TLK1: variants seen among roughly 807,000 people sequenced by gnomAD.
The protein encoded by TLK1 is tousled like kinase 1, also known as serine/threonine-protein kinase tousled-like 1.
Under a neutral mutation model 105.3 loss-of-function variants are expected in TLK1, and 24 were observed. That is an observed-to-expected ratio of 0.23 (90% CI 0.17 to 0.32). TLK1 has a LOEUF of 0.32. TLK1 is among the 10% of genes least tolerant of loss of function. TLK1 has a pLI of 1.00. For missense variants in TLK1, 558 were observed against 910.5 expected (o/e 0.61, Z 4.98); for synonymous variants, 321 against 310.4 (o/e 1.03, Z -0.36).
chr2:171,085,306 C>G (rs1575585087), intron 2 of TLK1, among the ~76,000 whole-genome samples: 1 of 151,808 alleles, frequency 6.6e-6, no homozygotes, highest in Admixed American at 6.6e-5. Context: ...AGGAGAATCA[C>G]TTGAATCTGG....
At chr2:171,095,402 C>A (rs1043029447) in intron 2 of TLK1, among the ~76,000 whole-genome samples, 1 of 151,852 alleles carries the variant, frequency 6.6e-6, no homozygotes, top group African/African-American at 2.4e-5. Flanking sequence ...AGAAGGAAGA[C>A]TCAAATTACT....
At chr2:171,169,997 C>A (rs374486268) in intron 1 of TLK1, among the ~76,000 whole-genome samples, 1 of 152,010 alleles carries the variant, frequency 6.6e-6, no homozygotes, top group African/African-American at 2.4e-5. Flanking sequence ...GTCTGCAGAG[C>A]AAATGACAAA....
chr2:171,171,403 A>G (rs1692722862), intron 1 of TLK1, among the ~76,000 whole-genome samples: 1 of 151,814 alleles, frequency 6.6e-6, no homozygotes, highest in African/African-American at 2.4e-5. Context: ...AGTGGTATGC[A>G]CCTGTAGGTA....
chr2:170,990,909 T>C lies in TLK1; in HGVS notation c.*2871A>G, dbSNP rs1341140611. 1 of 152,188 alleles carries C rather than the reference T, an allele frequency of 6.6e-6. No individual in the cohort carries two copies. Among genetic ancestry groups the C allele is most frequent in the African/African-American group, 2.4e-5 (1 of 41,438 alleles). 9.4% of individuals were successfully genotyped at this position (152,188 alleles called of 1,614,324 possible). ...TCTTTAAATGTTTCACTGAAGCTCT[T>C]CACCATTTTGACTTCATGTAATGAG... On this transcript the variant is annotated 3_prime_UTR_variant, in exon 21 of 21. Transcript: ENST00000431350.
At chr2:171,038,766 T>A (rs1012341823) in intron 11 of TLK1, among the ~76,000 whole-genome samples, 1 of 152,192 alleles carries the variant, frequency 6.6e-6, no homozygotes, top group Non-Finnish European at 1.5e-5. Context: ...AATTTTTTTA[T>A]AGTCAATATT....
chr2:171,011,653 C>T lies in TLK1; in HGVS notation c.1335-199G>A, dbSNP rs552499947. On this transcript the variant is annotated intron_variant, in intron 13 of 20. Transcript: ENST00000431350. ...ACTACCACCCATCTTAAGGCTTTGG[C>T]GCTCACAAAACTTTTATAGCTCAAT... is the stretch of plus-strand genomic sequence containing the variant. Among the ~76,000 whole-genome samples the T allele has an allele frequency of 3.9e-4, 59 of 152,216 alleles. 1 individual carries two copies. Among genetic ancestry groups the T allele is most frequent in the Admixed American group, 2.6e-3 (40 of 15,278 alleles).
intron 3 of TLK1, among the ~76,000 whole-genome samples, chr2:171,063,848 AG>A (rs1271984820): frequency 6.6e-6 from 1 of 152,246 alleles, no homozygotes; most frequent in Non-Finnish European, 1.5e-5. Context: ...AAGAGGGATG[AG>A]GTGGGAAGAT....
intron 3 of TLK1, among the ~76,000 whole-genome samples, chr2:171,066,026 A>G (rs1048533790): frequency 1.3e-5 from 2 of 152,226 alleles, no homozygotes; most frequent in Non-Finnish European, 2.9e-5. Context: ...TATCCTATTT[A>G]CATATAAACG....
chr2:171,151,371 C>T (rs1575632578), intron 1 of TLK1, among the ~76,000 whole-genome samples: 1 of 151,336 alleles, frequency 6.6e-6, no homozygotes, highest in Non-Finnish European at 1.5e-5. Context: ...TCTATAAAGT[C>T]GGGATAATAA....
intron 10 of TLK1, among the ~76,000 whole-genome samples, chr2:171,046,795 T>G (rs111971447): frequency 1.3e-5 from 2 of 152,166 alleles, no homozygotes; most frequent in Non-Finnish European, 2.9e-5. Context: ...AAATGTTTCT[T>G]GAATGAAATG....
At position 171,080,648 on chromosome 2, in the gene TLK1, A is replaced by T. The variant is rs533283819; in HGVS notation, c.330+2133T>A. 2.5e-4 allele frequency among the ~76,000 whole-genome samples: 38 copies of T among 151,436 alleles called. No homozygotes were observed. In the South Asian group the frequency reaches 7.7e-3, roughly 31 times the overall value. The stretch of plus-strand genomic sequence containing the variant: ...AGTCATTTCTGTGCCACTAGACTTA[A>T]CCATTAATTTGTAAAACTCCAAGAC... On this transcript the variant is annotated intron_variant, in intron 3 of 20. Transcript: ENST00000431350.
intron 1 of TLK1, among the ~76,000 whole-genome samples, chr2:171,141,138 A>C (rs909448089): frequency 6.6e-5 from 10 of 152,240 alleles, no homozygotes; most frequent in Admixed American, 5.9e-4. Context: ...TGTTTAATAC[A>C]TGTATAACTG....
upstream of TLK1, among the ~76,000 whole-genome samples, chr2:171,165,001 A>C (rs1692580625): frequency 2.0e-5 from 3 of 152,194 alleles, no homozygotes; most frequent in South Asian, 6.2e-4. Flanking sequence ...GATAGATTAC[A>C]CAATAGGAAA....
chr2:171,215,384 A>G (rs116296375), intron 1 of TLK1, among the ~76,000 whole-genome samples: 148 of 152,270 alleles, frequency 9.7e-4, no homozygotes, highest in Middle Eastern at 3.4e-3. Context: ...CTCTTCTCCA[A>G]GTCTTGTCAG....
intron 1 of TLK1, among the ~76,000 whole-genome samples, chr2:171,201,788 C>G (rs1693402139): frequency 6.6e-6 from 1 of 152,186 alleles, no homozygotes; most frequent in South Asian, 2.1e-4. Flanking sequence ...CTCTGCAGGT[C>G]TTTACTACAG....
At chr2:171,094,522 T>G (rs1689372593) in intron 2 of TLK1, among the ~76,000 whole-genome samples, 1 of 152,196 alleles carries the variant, frequency 6.6e-6, no homozygotes, top group African/African-American at 2.4e-5. Context: ...AAAGACATTT[T>G]CAGACATGCA....
At chr2:171,168,710 TAA>T (rs1692660385) in intron 1 of TLK1, among the ~76,000 whole-genome samples, 1 of 152,252 alleles carries the variant, frequency 6.6e-6, no homozygotes, top group South Asian at 2.1e-4. Flanking sequence ...AAGATGATGC[TAA>T]GTCTAAAATG....
At chr2:171,221,835 A>G (rs1176985092) in intron 1 of TLK1, among the ~76,000 whole-genome samples, 2 of 152,216 alleles carry the variant, frequency 1.3e-5, no homozygotes, top group Non-Finnish European at 2.9e-5. Context: ...CACTAGTCCT[A>G]TCCGGTTAGG....
chr2:171,175,073 T>C (rs912127301), intron 1 of TLK1, among the ~76,000 whole-genome samples: 2 of 151,968 alleles, frequency 1.3e-5, no homozygotes, highest in African/African-American at 4.8e-5. Flanking sequence ...CTATACAAAA[T>C]GGATAAAATC....
Sources: allele counts gnomAD v4.1 joint callset (sites outside exome capture counted in the v4.1 genomes callset), GRCh38; gene constraint gnomAD v4.1.1; transcripts MANE v1.5; gene names NCBI Gene and HGNC (gene_info 2026-07-23, HGNC 2026-07-21).